Variants in MCU observed in about 807,000 individuals in gnomAD.
The protein encoded by MCU is mitochondrial calcium uniporter, also known as calcium uniporter protein, mitochondrial.
A neutral mutation model predicts 45.2 loss-of-function variants in MCU; 12 were observed. The ratio of observed to expected loss-of-function variants is 0.27; its 90% confidence interval spans 0.17 to 0.43. The LOEUF (loss-of-function observed/expected upper bound fraction) is 0.43, where lower values mean the gene tolerates loss of function less well. Ranked by LOEUF, MCU falls within the 20% of genes least tolerant of loss-of-function variation. The pLI, the probability that MCU is intolerant of heterozygous loss-of-function variation, is 1.00. For missense variants in MCU, 324 were observed against 436.7 expected (o/e 0.74, Z 2.30); for synonymous variants, 160 against 165.1 (o/e 0.97, Z 0.24).
At chr10:72,737,974 T>TG (rs1378716431) in intron 1 of MCU, among the ~76,000 whole-genome samples, 12 of 152,176 alleles carry the variant, frequency 7.9e-5, no homozygotes. Context: ...GTGGTATTGT[T>TG]GCGGTTATCT....
At chr10:72,837,993 AC>A (rs1211069292) in intron 2 of MCU, among the ~76,000 whole-genome samples, 1 of 151,022 alleles carries the variant, frequency 6.6e-6, no homozygotes, top group East Asian at 2.0e-4. Flanking sequence ...AGTAGCTGGG[AC>A]TACAGGCGCT....
intron 1 of MCU, among the ~76,000 whole-genome samples, chr10:72,715,698 A>G (rs576041376): frequency 6.6e-6 from 1 of 152,336 alleles, no homozygotes; most frequent in Non-Finnish European, 1.5e-5. Context: ...GGTTGAGGTT[A>G]ATCAGGTATG....
chr10:72,809,607 G>A lies in MCU; in HGVS notation c.151-24752G>A, dbSNP rs188137553. 3.9e-5 allele frequency among the ~76,000 whole-genome samples: 6 copies of A among 152,264 alleles called. No individual in the cohort carries two copies. In the East Asian group the frequency reaches 1.2e-3, roughly 29 times the overall value. On this transcript the variant is annotated intron_variant, in intron 1 of 7. Coordinates refer to ENST00000373053, the MANE Select transcript of MCU (RefSeq NM_138357.3). ...GGGACTTAGAGGTATATTTGATAGAGCTATTCTAATAAGCAGCTAGAAATT... is the reference window on the plus strand; with the variant it reads ...GGGACTTAGAGGTATATTTGATAGAACTATTCTAATAAGCAGCTAGAAATT...
In MCU at chr10:72,859,188, G is replaced by C; in HGVS notation, c.232G>C (p.Val78Leu). 6.3e-7 allele frequency: 1 copy of C among 1,595,228 alleles called. No homozygotes were observed. Among genetic ancestry groups the C allele is most frequent in the East Asian group, 2.3e-5 (1 of 44,338 alleles). ...TVVPSDDVTV[V>L]YQNGLPVISV... ...TCTTTTTCATTCAGATGTTACAGTGGTTTATCAAAATGGGTTACCTGTGAT... is the reference window on the plus strand; with the variant it reads ...TCTTTTTCATTCAGATGTTACAGTGCTTTATCAAAATGGGTTACCTGTGAT... The change falls in exon 3 of 8, where the codon GTT becomes CTT. Residue 78 changes from valine to leucine, a missense_variant. By Grantham distance (32) the Val-to-Leu change is conservative (BLOSUM62 1). Transcript: ENST00000373053.
At chr10:72,883,559 C>T (rs1401430519) in intron 6 of MCU, among the ~76,000 whole-genome samples, 2 of 152,126 alleles carry the variant, frequency 1.3e-5, no homozygotes, top group African/African-American at 4.8e-5. Flanking sequence ...TCACTGCTTA[C>T]ATTTGAACAC....
At chr10:72,807,888 T>C (rs1315618153) in intron 1 of MCU, among the ~76,000 whole-genome samples, 1 of 152,232 alleles carries the variant, frequency 6.6e-6, no homozygotes, top group African/African-American at 2.4e-5. Flanking sequence ...AATAATTGAT[T>C]TCTGTCCAGA....
In MCU at chr10:72,864,803, C is replaced by T. The variant is rs1845429235; in HGVS notation, c.497-3900C>T. On this transcript the variant is annotated intron_variant, in intron 4 of 7. Transcript: ENST00000373053. The stretch of plus-strand genomic sequence containing the variant: ...AAACATGTAGATCAGGGACAGTTAG[C>T]CATTTATCAGCTATGCTAATGTGTT... Among the ~76,000 whole-genome samples the T allele has an allele frequency of 2.6e-5, 4 of 152,210 alleles. No individual in the cohort carries two copies. The South Asian group carries it at 8.3e-4, about 32-fold the overall frequency.
intron 1 of MCU, among the ~76,000 whole-genome samples, chr10:72,693,283 AG>A (rs1229614373): frequency 6.6e-6 from 1 of 152,126 alleles, no homozygotes; most frequent in East Asian, 1.9e-4. Flanking sequence ...TAACCTAACA[AG>A]TCAGGAGGTT....
chr10:72,851,610 G>A (rs1845208220), intron 2 of MCU, among the ~76,000 whole-genome samples: 1 of 152,098 alleles, frequency 6.6e-6, no homozygotes, highest in South Asian at 2.1e-4. Context: ...CTGGGTGGGG[G>A]CCACAGGAGC....
chr10:72,842,518 C>T (rs1378042960), intron 2 of MCU, among the ~76,000 whole-genome samples: 1 of 152,118 alleles, frequency 6.6e-6, no homozygotes, highest in Non-Finnish European at 1.5e-5. Flanking sequence ...AGTACACAAC[C>T]TTTTGGATAT....
intron 2 of MCU, among the ~76,000 whole-genome samples, chr10:72,840,309 G>A (rs549141916): frequency 3.9e-5 from 6 of 152,250 alleles, no homozygotes; most frequent in African/African-American, 1.4e-4. Flanking sequence ...CTTTTCATGT[G>A]TTTATTAACC....
At chr10:72,831,336 A>T (rs1844875763) in intron 1 of MCU, among the ~76,000 whole-genome samples, 1 of 152,200 alleles carries the variant, frequency 6.6e-6, no homozygotes, top group Non-Finnish European at 1.5e-5. Context: ...GGTAAATGCT[A>T]AGAGAAATAA....
chr10:72,805,161 GTCTC>G (rs1189878221), intron 1 of MCU, among the ~76,000 whole-genome samples: 11 of 31,006 alleles, frequency 3.5e-4, no homozygotes, highest in South Asian at 1.9e-3. Context: ...CTTTCTTTCT[GTCTC>G]TCTCTCTCTC....
intron 1 of MCU, among the ~76,000 whole-genome samples, chr10:72,716,352 A>G (rs956318528): frequency 1.3e-5 from 2 of 152,260 alleles, no homozygotes; most frequent in Non-Finnish European, 2.9e-5. Context: ...CCTGTGTCAT[A>G]ATGCTGACTA....
intron 1 of MCU, chr10:72,736,705 C>G (rs1405919752): frequency 6.6e-6 from 1 of 152,198 alleles, no homozygotes; most frequent in Non-Finnish European, 1.5e-5. Context: ...TGCTGTAGTT[C>G]TCTCATGTAC....
chr10:72,758,097 T>C (rs1843604027), intron 1 of MCU, among the ~76,000 whole-genome samples: 1 of 152,230 alleles, frequency 6.6e-6, no homozygotes, highest in African/African-American at 2.4e-5. Flanking sequence ...GTGCCATATC[T>C]GAGTTGATAA....
intron 1 of MCU, among the ~76,000 whole-genome samples, chr10:72,764,266 A>C (rs997498726): frequency 2.0e-5 from 3 of 152,176 alleles, no homozygotes. Context: ...TGGCTTTCCA[A>C]ATAGCCCATT....
intron 1 of MCU, among the ~76,000 whole-genome samples, chr10:72,776,119 C>T (rs1195454814): frequency 6.6e-6 from 1 of 151,528 alleles, no homozygotes; most frequent in Admixed American, 6.6e-5. Context: ...AGTGAGCTAT[C>T]ATTGCACTAC....
intron 1 of MCU, among the ~76,000 whole-genome samples, chr10:72,792,393 T>G (rs1361421028): frequency 6.6e-6 from 1 of 152,170 alleles, no homozygotes; most frequent in African/African-American, 2.4e-5. Flanking sequence ...GAAGCTTTGT[T>G]TAAAAATTTG....
Sources: gnomAD v4.1 joint callset for allele counts (sites outside exome capture counted in the v4.1 genomes callset) on GRCh38, gnomAD v4.1.1 for gene constraint, MANE v1.5 for transcripts, NCBI Gene and HGNC (gene_info 2026-07-23, HGNC 2026-07-21) for gene names.